GSE1: variants seen among roughly 807,000 people sequenced by gnomAD.
GSE1 encodes Gse1 coiled-coil protein.
A neutral mutation model predicts 112.6 loss-of-function variants in GSE1; 32 were observed. The ratio of observed to expected loss-of-function variants is 0.28; its 90% CI spans 0.21 to 0.38. The LOEUF is 0.38. GSE1 is among the 10% of genes least tolerant of loss of function. The probability of loss-of-function intolerance (pLI) is 1.00; values close to 1 mark genes in which losing one functional copy is unlikely to be tolerated. For missense variants in GSE1, 2,348 were observed against 1,699.2 expected (o/e 1.38, Z -6.71); for synonymous variants, 1,115 against 735.6 (o/e 1.52, Z -8.35).
chr16:85,541,169 G>C (rs950684534), intron 2 of GSE1, among the ~76,000 whole-genome samples: 2 of 152,188 alleles, frequency 1.3e-5, no homozygotes, highest in Non-Finnish European at 2.9e-5. Context: ...CATGGAGGAA[G>C]AGTCTAGAAG....
intron 1 of GSE1, among the ~76,000 whole-genome samples, chr16:85,296,261 G>A (rs972392649): frequency 6.6e-6 from 1 of 152,164 alleles, no homozygotes; most frequent in African/African-American, 2.4e-5. Flanking sequence ...GGCTCATCAT[G>A]TGTGAGCACG....
At chr16:85,534,156 C>T (rs1485802069) in intron 2 of GSE1, among the ~76,000 whole-genome samples, 1 of 149,632 alleles carries the variant, frequency 6.7e-6, no homozygotes, top group Non-Finnish European at 1.5e-5. Context: ...GAGTTTTGCT[C>T]TGTCGCCCAG....
chr16:85,182,518 T>G (rs1211854888), intron 1 of GSE1, among the ~76,000 whole-genome samples: 1 of 152,172 alleles, frequency 6.6e-6, no homozygotes, highest in Non-Finnish European at 1.5e-5. Flanking sequence ...GTTTTCTTCC[T>G]GATTCGTAAG....
chr16:85,483,022 C>G (rs996177842), intron 2 of GSE1, among the ~76,000 whole-genome samples: 2 of 151,200 alleles, frequency 1.3e-5, no homozygotes, highest in Admixed American at 1.3e-4. Flanking sequence ...TGTAGCAGTG[C>G]GACGCTACAT....
chr16:85,534,451 A>C (rs917863762), intron 2 of GSE1, among the ~76,000 whole-genome samples: 1 of 152,134 alleles, frequency 6.6e-6, no homozygotes, highest in African/African-American at 2.4e-5. Flanking sequence ...TTATGGTAAA[A>C]TATACATAAC....
intron 1 of GSE1, among the ~76,000 whole-genome samples, chr16:85,281,413 A>T (rs1353868072): frequency 6.6e-6 from 1 of 152,054 alleles, no homozygotes; most frequent in African/African-American, 2.4e-5. Context: ...AGCTCTCCAA[A>T]GGAGATAATT....
intron 1 of GSE1, among the ~76,000 whole-genome samples, chr16:85,618,928 C>T (rs1368655263): frequency 3.3e-5 from 5 of 152,236 alleles, no homozygotes; most frequent in African/African-American, 1.2e-4. Flanking sequence ...CCTCCCAAAG[C>T]ACTGGAGTTA....
intron 1 of GSE1, among the ~76,000 whole-genome samples, chr16:85,297,013 C>G (rs1235742235): frequency 6.6e-6 from 1 of 152,096 alleles, no homozygotes; most frequent in African/African-American, 2.4e-5. Flanking sequence ...TGGACTGCAT[C>G]TTTATTGACT....
At chr16:85,404,707 C>G (rs2048230530) in intron 2 of GSE1, among the ~76,000 whole-genome samples, 1 of 51,270 alleles carries the variant, frequency 2.0e-5, no homozygotes, top group African/African-American at 1.4e-4. Context: ...CCGGATAATC[C>G]TCACTGTTAC....
At chr16:85,203,178 G>T (rs1026801112) in intron 1 of GSE1, among the ~76,000 whole-genome samples, 2 of 150,168 alleles carry the variant, frequency 1.3e-5, no homozygotes, top group Non-Finnish European at 3.0e-5. Flanking sequence ...TGCTCTCCTA[G>T]GCACCCCCTT....
At chr16:85,377,580 G>A (rs912505599) in intron 2 of GSE1, among the ~76,000 whole-genome samples, 2 of 152,228 alleles carry the variant, frequency 1.3e-5, no homozygotes, top group Admixed American at 1.3e-4. Flanking sequence ...TGAGGGCACT[G>A]TGAGAAGGAA....
Position 85,662,998 on chromosome 16 carries a change from G to C in GSE1, c.2278G>C (p.Asp760His). ...TCCATCAGGGTACTACTACGACCTC[G>C]ATGACTCTTACGACGAGAGCGATGA... ...AQEKGYYYDL[D>H]DSYDESDEEE... The change falls in exon 10 of 16, where the codon GAT becomes CAT. Residue 760 changes from aspartate (D) to histidine (H), a missense_variant. Transcript: ENST00000253458. 6.2e-7 allele frequency: 1 copy of C among 1,610,544 alleles called. No homozygotes were observed. Among genetic ancestry groups the C allele is most frequent in the Non-Finnish European group, 8.5e-7 (1 of 1,177,374 alleles).
intron 2 of GSE1, among the ~76,000 whole-genome samples, chr16:85,382,979 A>G (rs2047589897): frequency 6.8e-6 from 1 of 146,806 alleles, no homozygotes; most frequent in Non-Finnish European, 1.5e-5. Context: ...GCACGCTCAC[A>G]CGCACACATG....
At chr16:85,420,037 G>A (rs2048796256) in intron 2 of GSE1, among the ~76,000 whole-genome samples, 1 of 152,196 alleles carries the variant, frequency 6.6e-6, no homozygotes, top group Non-Finnish European at 1.5e-5. Flanking sequence ...AACAGAACAA[G>A]TCCCTGCCCT....
chr16:85,439,716 CACAGGTGCTCAG>C (rs1261008748), intron 2 of GSE1, among the ~76,000 whole-genome samples: 1 of 152,062 alleles, frequency 6.6e-6, no homozygotes, highest in Non-Finnish European at 1.5e-5. Context: ...AAAGTGCACA[CACAGGTGCTCAG>C]AGAGCCACAG....
chr16:85,339,627 G>C (rs1279120085), intron 1 of GSE1, among the ~76,000 whole-genome samples: 1 of 147,826 alleles, frequency 6.8e-6, no homozygotes, highest in African/African-American at 2.5e-5. Context: ...GGGGGAGGGG[G>C]GCAGAGAGAG....
At position 85,361,137 on chromosome 16, in the gene GSE1, C is replaced by CT. The variant is rs1567711761; in HGVS notation, c.2464+3494_2464+3495insT. Reference sequence around the variant, plus strand: ...CAGACAGAGACAGGCACAGACCCCCCCCACACAAACACACAGACACACACA... The same window carrying CT: ...CAGACAGAGACAGGCACAGACCCCCCTCCACACAAACACACAGACACACACA... On this transcript the variant is annotated intron_variant, in intron 2 of 2. Transcript: ENST00000637419. Among the ~76,000 whole-genome samples the CT allele has an allele frequency of 1.4e-4, 17 of 122,338 alleles. 1 individual carries two copies. Among genetic ancestry groups the CT allele is most frequent in the African/African-American group, 4.4e-4 (15 of 33,960 alleles). 80.3% of individuals were successfully genotyped at this position (122,338 alleles called of 152,430 possible).
chr16:85,655,896 T>C lies in GSE1; in HGVS notation c.968T>C (p.Met323Thr). Residue 323 changes from methionine (M) to threonine (T), a missense_variant, in exon 6 of 16, where the codon ATG becomes ACG. Met to Thr is a moderately conservative substitution (Grantham distance 81). Coordinates refer to ENST00000253458, the MANE Select transcript of GSE1 (RefSeq NM_014615.5). ...CTGGCAGCGCTGCACTCGGAGCGCA[T>C]GTCTGGCCTCAGCGCGGAGAGGTAA... ...SSLAALHSER[M>T]SGLSAERLQM... The C allele has an allele frequency of 6.2e-7, 1 of 1,605,308 alleles. No individual in the cohort carries two copies. Among genetic ancestry groups the C allele is most frequent in the South Asian group, 1.1e-5 (1 of 91,058 alleles).
intron 9 of GSE1, 193 bp from the exon 10 acceptor site, chr16:85,662,788 C>A: frequency 1.8e-6 from 1 of 564,256 alleles, no homozygotes; most frequent in Non-Finnish European, 3.2e-6. Context: ...AGCCTGGTGT[C>A]TGCGGTCCTG....
Sources: gnomAD v4.1 joint callset for allele counts (sites outside exome capture counted in the v4.1 genomes callset) on GRCh38, gnomAD v4.1.1 for gene constraint, MANE v1.5 for transcripts, NCBI Gene and HGNC (gene_info 2026-07-23, HGNC 2026-07-21) for gene names.